The following GRID2 variants were observed in gnomAD, a reference collection of about 807,000 sequenced individuals.
GRID2 encodes glutamate receptor ionotropic, delta-2.
A neutral mutation model predicts 114.8 loss-of-function variants in GRID2; 33 were observed. The observed-to-expected ratio is 0.29, with a 90% CI of 0.22 to 0.38. The LOEUF (loss-of-function observed/expected upper bound fraction) is 0.38, where lower values mean the gene tolerates loss of function less well. Ranked by LOEUF, GRID2 falls within the 10% of genes least tolerant of loss-of-function variation. The pLI is 1.00. For synonymous variants in GRID2, 505 were observed against 449.9 expected (o/e 1.12, Z -1.55); for missense variants, 1,184 against 1,257.7 (o/e 0.94, Z 0.89).
At chr4:92,383,984 T>C (rs2110242367) in intron 1 of GRID2, among the ~76,000 whole-genome samples, 1 of 152,104 alleles carries the variant, frequency 6.6e-6, no homozygotes, top group Non-Finnish European at 1.5e-5. Flanking sequence ...TTTAAGATAT[T>C]TAATTGTCAA....
At chr4:93,169,184 A>AC (rs59299954) in intron 4 of GRID2, among the ~76,000 whole-genome samples, 6 of 143,858 alleles carry the variant, frequency 4.2e-5, no homozygotes, top group Non-Finnish European at 9.3e-5. Flanking sequence ...ACACACACAC[A>AC]AACTTAAAAT....
intron 13 of GRID2, among the ~76,000 whole-genome samples, chr4:93,563,853 C>G (rs1030948781): frequency 2.0e-5 from 3 of 151,846 alleles, no homozygotes; most frequent in Non-Finnish European, 4.4e-5. Context: ...CTCACATTTA[C>G]TATTTATTGT....
chr4:93,255,785 T>G (rs757348363), intron 8 of GRID2, among the ~76,000 whole-genome samples: 1 of 152,058 alleles, frequency 6.6e-6, no homozygotes, highest in Non-Finnish European at 1.5e-5. Context: ...TCATGCTTCT[T>G]GAACTTCCCA....
At chr4:92,364,982 C>A (rs1038104804) in intron 1 of GRID2, among the ~76,000 whole-genome samples, 1 of 151,876 alleles carries the variant, frequency 6.6e-6, no homozygotes, top group African/African-American at 2.4e-5. Flanking sequence ...TAGTGGTTTC[C>A]CAGCAAAAAA....
At chr4:92,368,906 G>A (rs966726407) in intron 1 of GRID2, among the ~76,000 whole-genome samples, 1 of 148,366 alleles carries the variant, frequency 6.7e-6, no homozygotes, top group African/African-American at 2.5e-5. Flanking sequence ...ATTTATGCTG[G>A]TTTTAAAGGC....
chr4:93,179,332 G>A (rs1324128499), intron 4 of GRID2, among the ~76,000 whole-genome samples: 1 of 152,162 alleles, frequency 6.6e-6, no homozygotes, highest in African/African-American at 2.4e-5. Flanking sequence ...ACAAAGGTCA[G>A]TAATAACAAT....
chr4:93,660,159 C>A (rs1399117699), intron 14 of GRID2, among the ~76,000 whole-genome samples: 1 of 151,930 alleles, frequency 6.6e-6, no homozygotes, highest in African/African-American at 2.4e-5. Context: ...TGAAAAGTGG[C>A]GGGTATCCTG....
At chr4:92,759,462 T>A (rs549514798) in intron 2 of GRID2, among the ~76,000 whole-genome samples, 1 of 152,156 alleles carries the variant, frequency 6.6e-6, no homozygotes, top group African/African-American at 2.4e-5. Flanking sequence ...CCCCCAATAC[T>A]TTTCATTCAC....
intron 2 of GRID2, among the ~76,000 whole-genome samples, chr4:93,075,677 T>G (rs2149310489): frequency 6.6e-6 from 1 of 152,118 alleles, no homozygotes; most frequent in African/African-American, 2.4e-5. Context: ...CAATGAAATT[T>G]GGAAATTAAA....
chr4:92,463,527 C>G (rs1156495093), intron 1 of GRID2, among the ~76,000 whole-genome samples: 1 of 151,886 alleles, frequency 6.6e-6, no homozygotes, highest in East Asian at 1.9e-4. Context: ...AAACAGTGAG[C>G]CTCAATTCTT....
chr4:92,624,015 T>A (rs1373720692), intron 2 of GRID2, among the ~76,000 whole-genome samples: 1 of 151,880 alleles, frequency 6.6e-6, no homozygotes, highest in South Asian at 2.1e-4. Flanking sequence ...TGTGGTATTA[T>A]AGACTGCAGA....
chr4:92,736,234 G>T (rs1266999073), intron 2 of GRID2, among the ~76,000 whole-genome samples: 1 of 152,010 alleles, frequency 6.6e-6, no homozygotes, highest in Non-Finnish European at 1.5e-5. Flanking sequence ...GATTGTTGAT[G>T]TTGGAGGTGG....
At chr4:93,555,744 G>A (rs545523333) in intron 13 of GRID2, among the ~76,000 whole-genome samples, 47 of 152,292 alleles carry the variant, frequency 3.1e-4, no homozygotes, top group African/African-American at 1.1e-3. Context: ...CCAGCACAGC[G>A]CTCGAGCTCT....
intron 2 of GRID2, among the ~76,000 whole-genome samples, chr4:92,742,251 G>A (rs1445042629): frequency 6.6e-6 from 1 of 152,032 alleles, no homozygotes; most frequent in Non-Finnish European, 1.5e-5. Flanking sequence ...GTAAATTAAA[G>A]CATTTATAAT....
Position 93,626,306 on chromosome 4 carries a change from C to G in GRID2, c.2231C>G (p.Ala744Gly), listed in dbSNP as rs372531952. ...AATTATGCTTTCGTATGGGATGCAG[C>G]TGTATTGGAATATGTGGCTATCAAT... is the stretch of plus-strand genomic sequence containing the variant. ...YGNYAFVWDA[A>G]VLEYVAINDP... is the part of the protein sequence containing the mutation. Residue 744 changes from alanine (A) to glycine (G), a missense_variant, in exon 14 of 16, where the codon GCT becomes GGT. By Grantham distance (60) the Ala-to-Gly change is moderately conservative. This residue lies in a region of GRID2 where 717 missense variants were observed against 796.9 expected (regional missense o/e 0.90). Transcript: ENST00000282020. 2 of 1,602,072 alleles carry G rather than the reference C, an allele frequency of 1.2e-6. No individual in the cohort carries two copies. The highest frequency in any genetic ancestry group is 1.7e-6 in the Non-Finnish European group (2 of 1,170,060).
At chr4:92,882,065 C>T (rs1053641966) in intron 2 of GRID2, among the ~76,000 whole-genome samples, 74 of 152,138 alleles carry the variant, frequency 4.9e-4, no homozygotes, top group African/African-American at 1.6e-3. Context: ...CAGGAATAAT[C>T]CTTAAGGAAT....
At chr4:92,452,720 A>G (rs1457912759) in intron 1 of GRID2, among the ~76,000 whole-genome samples, 3 of 151,806 alleles carry the variant, frequency 2.0e-5, no homozygotes, top group Non-Finnish European at 4.4e-5. Flanking sequence ...ATTTGTGAGA[A>G]CTTGTATTTG....
chr4:92,921,043 A>G (rs1749280894), intron 2 of GRID2, among the ~76,000 whole-genome samples: 2 of 151,918 alleles, frequency 1.3e-5, no homozygotes, highest in East Asian at 1.9e-4. Context: ...GGCTTTGTTC[A>G]TTTCTTTTTA....
At chr4:93,635,549 T>C (rs1273881276) in intron 14 of GRID2, among the ~76,000 whole-genome samples, 2 of 152,078 alleles carry the variant, frequency 1.3e-5, no homozygotes, top group African/African-American at 2.4e-5. Flanking sequence ...AGGAATATGC[T>C]ATTCCTATTT....
Sources: allele counts gnomAD v4.1 joint callset (sites outside exome capture counted in the v4.1 genomes callset), GRCh38; gene constraint gnomAD v4.1.1; regional missense constraint gnomAD v4.1.1; transcripts MANE v1.5; gene names NCBI Gene and HGNC (gene_info 2026-07-23, HGNC 2026-07-21).